Variants in SEC22C observed in about 807,000 individuals in gnomAD.
The protein encoded by SEC22C is vesicle-trafficking protein SEC22c.
SEC22C carries 29 observed loss-of-function variants against 34.7 expected under a neutral mutation model. The observed-to-expected ratio is 0.84, with a 90% CI of 0.62 to 1.14. The LOEUF is 1.14. SEC22C is among the 50% of genes most tolerant of loss of function. The pLI, the probability that SEC22C is intolerant of heterozygous loss-of-function variation, is 0.00. For synonymous variants in SEC22C, 117 were observed against 132.8 expected (o/e 0.88, Z 0.82); for missense variants, 337 against 369.0 (o/e 0.91, Z 0.71).
At chr3:42,581,383 C>A (rs1704333398) in intron 1 of SEC22C, 1 of 152,226 alleles carries the variant, frequency 6.6e-6, no homozygotes, top group South Asian at 2.1e-4. Flanking sequence ...GAACACAAAA[C>A]CTGTAATGGA....
At chr3:42,558,297 A>G (rs1023417597) in intron 4 of SEC22C, among the ~76,000 whole-genome samples, 3 of 151,820 alleles carry the variant, frequency 2.0e-5, no homozygotes, top group African/African-American at 4.8e-5. Context: ...CCTGGGCAAC[A>G]TAGTGAGACC....
intron 5 of SEC22C, among the ~76,000 whole-genome samples, chr3:42,557,358 C>T (rs1277746845): frequency 6.6e-6 from 1 of 152,138 alleles, no homozygotes; most frequent in Non-Finnish European, 1.5e-5. Flanking sequence ...CATTTCTTAC[C>T]AATATCTTGG....
At chr3:42,555,721 CT>C (rs1465904914) in intron 6 of SEC22C, among the ~76,000 whole-genome samples, 1 of 152,208 alleles carries the variant, frequency 6.6e-6, no homozygotes, top group African/African-American at 2.4e-5. Context: ...GGGGCTTTCC[CT>C]TTATGAGCAC....
chr3:42,550,704 G>A lies in SEC22C; in HGVS notation c.*2544C>T. ...TCTCTGGTAGTGCCTCGGTGGTCAG[G>A]AAGCATTACCAGGAAGGACTCATCT... On this transcript the variant is annotated 3_prime_UTR_variant, in exon 7 of 7. Transcript: ENST00000264454. 4 of 984,758 alleles carry A rather than the reference G, an allele frequency of 4.1e-6. No individual in the cohort carries two copies. Among genetic ancestry groups the A allele is most frequent in the Non-Finnish European group, 4.8e-6 (4 of 829,818 alleles). 61.0% of individuals were successfully genotyped at this position (984,758 alleles called of 1,614,324 possible).
chr3:42,566,743 C>T (rs1376537743), intron 2 of SEC22C: 6 of 310,024 alleles, frequency 1.9e-5, no homozygotes, highest in Non-Finnish European at 2.7e-5. Flanking sequence ...GTGGCTCATA[C>T]CTATAATCCC....
Position 42,548,623 on chromosome 3 carries a change from G to T in SEC22C, c.*4625C>A, listed in dbSNP as rs200185579. 1.2e-6 allele frequency: 2 copies of T among 1,613,870 alleles called. No individual in the cohort carries two copies. Among genetic ancestry groups the T allele is most frequent in the African/African-American group, 2.7e-5 (2 of 75,026 alleles). ...GGGTCAGGGGTGGCTGGCTCACGAG[G>T]TTTGGTCCAACCAGCAGAACCAGCT... is the stretch of plus-strand genomic sequence containing the variant. On this transcript the variant is annotated 3_prime_UTR_variant, in exon 7 of 7. Transcript: ENST00000264454.
At position 42,548,087 on chromosome 3, in the gene SEC22C, G is replaced by C. The variant is rs1399591618; in HGVS notation, c.*5161C>G. ...TTATACAAGTTTAGGTTGTACTACT[G>C]AGTTTGTTAAAATGTACCCATTATT... On this transcript the variant is annotated 3_prime_UTR_variant, in exon 7 of 7. Transcript: ENST00000264454. 6.5e-6 allele frequency: 1 copy of C among 153,606 alleles called. No homozygotes were observed. Among genetic ancestry groups the C allele is most frequent in the Admixed American group, 6.4e-5 (1 of 15,550 alleles). 9.5% of individuals were successfully genotyped at this position (153,606 alleles called of 1,614,324 possible). A position where few individuals can be genotyped will look rare whatever the true frequency, so the allele number is the denominator to read the frequency against.
chr3:42,548,820 G>C lies in SEC22C; in HGVS notation c.*4428C>G. On this transcript the variant is annotated 3_prime_UTR_variant, in exon 7 of 7. Transcript: ENST00000264454. ...CTTTTTGTAAAGGCCAGAAGAAATGGCTGTGCTGTGCTGCCTGAAGCAGAA... is the reference window on the plus strand; with the variant it reads ...CTTTTTGTAAAGGCCAGAAGAAATGCCTGTGCTGTGCTGCCTGAAGCAGAA... The C allele has an allele frequency of 7.0e-7, 1 of 1,434,836 alleles. No individual in the cohort carries two copies. The highest frequency in any genetic ancestry group is 9.1e-7 in the Non-Finnish European group (1 of 1,093,536). The allele number at this position is 1,434,836 out of a possible 1,614,324, so 88.9% of individuals were successfully genotyped here. A position where few individuals can be genotyped will look rare whatever the true frequency, so the allele number is the denominator to read the frequency against.
chr3:42,566,792 C>T, intron 2 of SEC22C: 2 of 407,128 alleles, frequency 4.9e-6, no homozygotes, highest in Non-Finnish European at 1.0e-5. Context: ...TCACTTGAGC[C>T]TAGGAGTTTA....
At chr3:42,594,363 T>C in intron 1 of SEC22C, 1 of 1,385,674 alleles carries the variant, frequency 7.2e-7, no homozygotes, top group Non-Finnish European at 1.0e-6. Flanking sequence ...ATTTTCCAGT[T>C]TTTTGTTCAT....
intron 1 of SEC22C, among the ~76,000 whole-genome samples, chr3:42,576,008 G>A (rs1288479526): frequency 6.6e-6 from 1 of 151,988 alleles, no homozygotes; most frequent in Non-Finnish European, 1.5e-5. Context: ...TTTATACAAA[G>A]TGTGTTATAT....
chr3:42,594,813 T>C (rs1359201378), intron 1 of SEC22C: 1 of 203,324 alleles, frequency 4.9e-6, no homozygotes, highest in Non-Finnish European at 9.9e-6. Flanking sequence ...TCAAGTCTAC[T>C]TTTTAGTTTC....
intron 1 of SEC22C, among the ~76,000 whole-genome samples, chr3:42,593,315 G>A (rs1704917632): frequency 6.6e-6 from 1 of 152,186 alleles, no homozygotes; most frequent in South Asian, 2.1e-4. Context: ...TACTTGGGAG[G>A]CCGAGGCAGG....
At chr3:42,571,278 A>G (rs1703608561) in intron 1 of SEC22C, among the ~76,000 whole-genome samples, 1 of 152,190 alleles carries the variant, frequency 6.6e-6, no homozygotes, top group South Asian at 2.1e-4. Context: ...TTGGTGATCA[A>G]ACTTGCTTTT....
chr3:42,598,921 A>AGATATCTG (rs1705133034), intron 1 of SEC22C, among the ~76,000 whole-genome samples: 6 of 146,084 alleles, frequency 4.1e-5, no homozygotes, highest in Non-Finnish European at 9.1e-5. Flanking sequence ...ATATATATCT[A>AGATATCTG]TAGATCTATA....
At chr3:42,576,127 A>T (rs1482225593) in intron 1 of SEC22C, among the ~76,000 whole-genome samples, 2 of 152,244 alleles carry the variant, frequency 1.3e-5, no homozygotes, top group Admixed American at 6.5e-5. Flanking sequence ...TAAAAAGGAA[A>T]TATAAAGGAA....
intron 5 of SEC22C, 109 bp downstream of exon 5, chr3:42,557,469 T>C (rs1054725856): frequency 1.8e-4 from 88 of 488,568 alleles, no homozygotes; most frequent in Admixed American, 4.9e-4. Flanking sequence ...TTCATATTAG[T>C]TTTGAAAAAT....
chr3:42,600,989 G>A, exon 1 of SEC22C: 1 of 1,546,272 alleles, frequency 6.5e-7, no homozygotes, highest in Non-Finnish European at 8.7e-7. Flanking sequence ...CCCAGCTCTT[G>A]CCGCCACCTC....
At chr3:42,553,685 A>G (rs1702362629) in intron 6 of SEC22C, among the ~76,000 whole-genome samples, 1 of 152,234 alleles carries the variant, frequency 6.6e-6, no homozygotes, top group African/African-American at 2.4e-5. Flanking sequence ...GAATCAGTGC[A>G]TGGCACATCT....
Sources: gnomAD v4.1 joint callset for allele counts (sites outside exome capture counted in the v4.1 genomes callset) on GRCh38, gnomAD v4.1.1 for gene constraint, MANE v1.5 for transcripts, NCBI Gene and HGNC (gene_info 2026-07-23, HGNC 2026-07-21) for gene names.